Variants in IL7 observed in about 807,000 individuals in gnomAD.
IL7 encodes interleukin 7, also known as interleukin-7.
A neutral mutation model predicts 21.6 loss-of-function variants in IL7; 3 were observed. The observed-to-expected ratio is 0.14, with a 90% CI of 0.06 to 0.36. The LOEUF (loss-of-function observed/expected upper bound fraction) is 0.36. Among genes scored for constraint, IL7 ranks in the 10% least tolerant of loss-of-function variants. IL7 has a pLI of 1.00. For synonymous variants in IL7, 62 were observed against 68.1 expected (o/e 0.91, Z 0.44); for missense variants, 175 against 200.2 (o/e 0.87, Z 0.76).
At chr8:78,757,885 G>A (rs1812405051) in intron 2 of IL7, among the ~76,000 whole-genome samples, 1 of 152,074 alleles carries the variant, frequency 6.6e-6, no homozygotes. Context: ...ACTCATGATT[G>A]TGGGTCTTTC....
chr8:78,713,593 T>C (rs186337146), downstream of IL7, among the ~76,000 whole-genome samples: 19 of 152,164 alleles, frequency 1.2e-4, no homozygotes, highest in African/African-American at 4.1e-4. Flanking sequence ...AAGAGTAGAG[T>C]AAACCTCATG....
At chr8:78,756,921 T>C (rs1332000817) in intron 2 of IL7, among the ~76,000 whole-genome samples, 1 of 151,930 alleles carries the variant, frequency 6.6e-6, no homozygotes, top group Non-Finnish European at 1.5e-5. Flanking sequence ...GCCTTCTTTG[T>C]ATTAATTTTG....
intron 4 of IL7, among the ~76,000 whole-genome samples, chr8:78,737,144 T>C (rs532418706): frequency 2.0e-5 from 3 of 152,100 alleles, no homozygotes; most frequent in Non-Finnish European, 4.4e-5. Context: ...CATATAAAGC[T>C]CAATACATAA....
chr8:78,675,616 AAC>A (rs1255270801), downstream of IL7: 2 of 568,938 alleles, frequency 3.5e-6, no homozygotes, highest in African/African-American at 3.9e-5. Flanking sequence ...CACCACTGAT[AAC>A]TAAGTATTAT....
At position 78,733,546 on chromosome 8, in the gene IL7, C is replaced by T. The variant is rs1811479993; in HGVS notation, c.*167G>A. 2 of 574,896 alleles carry T rather than the reference C, an allele frequency of 3.5e-6. No individual in the cohort carries two copies. Among genetic ancestry groups the T allele is most frequent in the Admixed American group, 3.7e-5 (1 of 27,028 alleles). The allele number at this position is 574,896 out of a possible 1,614,324, so 35.6% of individuals were successfully genotyped here. A position where few individuals can be genotyped will look rare whatever the true frequency, so the allele number is the denominator to read the frequency against. ...GCATTCAGTTTCCATTGTTTGTATT[C>T]ATCTTCTAGTAATACAATATGCATT... On this transcript the variant is annotated 3_prime_UTR_variant, in exon 6 of 6. Transcript: ENST00000263851.
intron 3 of IL7, among the ~76,000 whole-genome samples, chr8:78,726,392 G>A (rs971535941): frequency 1.3e-5 from 2 of 151,924 alleles, no homozygotes; most frequent in African/African-American, 4.8e-5. Flanking sequence ...AATGGTGTGT[G>A]TGTGGAAAAG....
At chr8:78,746,729 A>G (rs1428681635) in intron 2 of IL7, among the ~76,000 whole-genome samples, 2 of 152,212 alleles carry the variant, frequency 1.3e-5, no homozygotes, top group South Asian at 4.1e-4. Flanking sequence ...TGTGAACCTA[A>G]GGTAAATGCA....
intron 2 of IL7, 106 bp downstream of exon 2, chr8:78,797,966 A>G (rs1813916966): frequency 2.5e-6 from 2 of 811,976 alleles, no homozygotes. Flanking sequence ...TAGTTACTTC[A>G]CTTTCTTGTC....
chr8:78,771,677 T>C (rs1477699104), intron 2 of IL7, among the ~76,000 whole-genome samples: 2 of 152,134 alleles, frequency 1.3e-5, no homozygotes, highest in African/African-American at 4.8e-5. Flanking sequence ...TTTAAGTCCA[T>C]TTATGTTCAG....
chr8:78,795,422 C>T (rs1227411237), intron 2 of IL7, among the ~76,000 whole-genome samples: 9 of 152,026 alleles, frequency 5.9e-5, no homozygotes, highest in Admixed American at 3.9e-4. Flanking sequence ...GTGTTCTCTT[C>T]CATGTCTTGT....
chr8:78,719,892 C>A (rs1053596479), intron 5 of IL7: 1 of 151,666 alleles, frequency 6.6e-6, no homozygotes, highest in African/African-American at 2.4e-5. Context: ...TTTTCATTGG[C>A]TGTATTCTTA....
intron 2 of IL7, among the ~76,000 whole-genome samples, chr8:78,782,518 C>T (rs967057833): frequency 2.0e-5 from 3 of 152,124 alleles, no homozygotes; most frequent in African/African-American, 7.2e-5. Flanking sequence ...CCCTATTTGC[C>T]TGGGTCTCTC....
At chr8:78,683,750 T>C (rs1809864915) in intron 4 of IL7, among the ~76,000 whole-genome samples, 2 of 152,196 alleles carry the variant, frequency 1.3e-5, no homozygotes, top group South Asian at 4.1e-4. Flanking sequence ...ATTTTTCTTT[T>C]CTGTTACATC....
At chr8:78,764,566 AT>A (rs1422161402) in intron 2 of IL7, among the ~76,000 whole-genome samples, 15 of 152,056 alleles carry the variant, frequency 9.9e-5, no homozygotes, top group Non-Finnish European at 2.1e-4. Context: ...TTAAAAACCC[AT>A]TGCCACTTTA....
chr8:78,793,371 G>T (rs1454208654), intron 2 of IL7, among the ~76,000 whole-genome samples: 2 of 152,066 alleles, frequency 1.3e-5, no homozygotes, highest in South Asian at 2.1e-4. Flanking sequence ...TGTGGGTTTG[G>T]TTCCACTGCA....
At chr8:78,793,593 G>A (rs970802107) in intron 2 of IL7, among the ~76,000 whole-genome samples, 6 of 152,110 alleles carry the variant, frequency 3.9e-5, no homozygotes, top group Admixed American at 1.3e-4. Flanking sequence ...TTTTTTGCTG[G>A]TGGAGGGCCT....
At chr8:78,688,870 G>T (rs1421022797) in intron 3 of IL7, among the ~76,000 whole-genome samples, 8 of 151,964 alleles carry the variant, frequency 5.3e-5, no homozygotes, top group Admixed American at 5.2e-4. Context: ...TAACTAGTCT[G>T]CTATATAAAG....
chr8:78,749,839 G>A (rs143032776), intron 2 of IL7, among the ~76,000 whole-genome samples: 35 of 152,154 alleles, frequency 2.3e-4, no homozygotes, highest in Middle Eastern at 3.4e-3. Flanking sequence ...TTTGAGACCA[G>A]CCTGGACAAC....
intron 2 of IL7, among the ~76,000 whole-genome samples, chr8:78,797,108 G>A (rs1813878151): frequency 6.6e-6 from 1 of 151,842 alleles, no homozygotes. Flanking sequence ...AAAAATCATG[G>A]GGGATGCTTT....
Sources: gnomAD v4.1 joint callset for allele counts (sites outside exome capture counted in the v4.1 genomes callset) on GRCh38, gnomAD v4.1.1 for gene constraint, MANE v1.5 for transcripts, NCBI Gene and HGNC (gene_info 2026-07-23, HGNC 2026-07-21) for gene names.